The following STK32B variants were observed in gnomAD, a reference collection of about 807,000 sequenced individuals.
STK32B encodes serine/threonine kinase 32B.
Under a neutral mutation model 52.6 loss-of-function variants are expected in STK32B, and 43 were observed. The observed-to-expected ratio is 0.82, with a 90% CI of 0.64 to 1.05. The LOEUF (loss-of-function observed/expected upper bound fraction) is 1.05. Among genes scored for constraint, STK32B ranks in the 50% least tolerant of loss-of-function variants. The pLI is 0.00. For synonymous variants in STK32B, 238 were observed against 204.3 expected, an observed-to-expected ratio of 1.17 and a Z score of -1.41; for missense variants, 621 against 534.6, an observed-to-expected ratio of 1.16 and a Z score of -1.59.
chr4:5,330,281 G>A (rs10021605), intron 3 of STK32B, among the ~76,000 whole-genome samples: 47,982 of 152,050 alleles, frequency 0.32, 11,946 homozygotes, highest in African/African-American at 0.68. Flanking sequence ...TACCCTGTAA[G>A]TCTACAATGA....
intron 1 of STK32B, among the ~76,000 whole-genome samples, chr4:5,052,131 G>C (rs1577610784): frequency 1.3e-5 from 2 of 152,206 alleles, no homozygotes; most frequent in East Asian, 3.9e-4. Context: ...TAGTCGGGAC[G>C]GTGCCTAGCG....
At chr4:5,477,568 A>G (rs769731424) in intron 11 of STK32B, among the ~76,000 whole-genome samples, 1 of 152,154 alleles carries the variant, frequency 6.6e-6, no homozygotes, top group African/African-American at 2.4e-5. Flanking sequence ...ACTTAACAAC[A>G]ACCAAGTGTG....
chr4:5,485,452 G>T (rs946029274), intron 11 of STK32B, among the ~76,000 whole-genome samples: 44 of 152,014 alleles, frequency 2.9e-4, no homozygotes, highest in African/African-American at 1.0e-3. Context: ...GTCCTTTAAG[G>T]ACTTCTCTGT....
At chr4:5,214,292 A>G (rs1723066812) in intron 3 of STK32B, 1 of 152,456 alleles carries the variant, frequency 6.6e-6, no homozygotes. Context: ...GCCTTCCGCC[A>G]TGATTGTAAG....
intron 4 of STK32B, among the ~76,000 whole-genome samples, chr4:5,344,011 G>A (rs1347284627): frequency 6.6e-6 from 1 of 152,170 alleles, no homozygotes; most frequent in Admixed American, 6.5e-5. Flanking sequence ...AATGAACAAT[G>A]AAGGCTGTTC....
intron 3 of STK32B, among the ~76,000 whole-genome samples, chr4:5,172,981 T>A (rs528217955): frequency 6.6e-6 from 1 of 152,336 alleles, no homozygotes; most frequent in South Asian, 2.1e-4. Flanking sequence ...TTGCCTCAAT[T>A]TCAGATCCTG....
intron 4 of STK32B, among the ~76,000 whole-genome samples, chr4:5,371,050 GTGTGTGTA>G: frequency 1.4e-5 from 2 of 147,576 alleles, no homozygotes; most frequent in South Asian, 2.2e-4. Context: ...ATATGTGTGT[GTGTGTGTA>G]TATATTCTAA....
intron 7 of STK32B, among the ~76,000 whole-genome samples, chr4:5,451,123 CAGG>C (rs1215779814): frequency 3.9e-5 from 6 of 152,162 alleles, no homozygotes; most frequent in Non-Finnish European, 8.8e-5. Flanking sequence ...GTCTGGCACA[CAGG>C]AGATGTGCGG....
At chr4:5,441,595 C>G (rs1393762738) in intron 6 of STK32B, among the ~76,000 whole-genome samples, 3 of 151,764 alleles carry the variant, frequency 2.0e-5, no homozygotes, top group African/African-American at 4.8e-5. Context: ...TTTTGTGTCT[C>G]TATTTCCTTC....
intron 3 of STK32B, among the ~76,000 whole-genome samples, chr4:5,305,803 A>C (rs1729891998): frequency 6.6e-6 from 1 of 151,916 alleles, no homozygotes; most frequent in African/African-American, 2.4e-5. Flanking sequence ...TAGATTGTCT[A>C]CTGGTGCTCT....
intron 1 of STK32B, among the ~76,000 whole-genome samples, chr4:5,122,624 CTCAT>C (rs1293507518): frequency 6.6e-6 from 1 of 152,246 alleles, no homozygotes; most frequent in South Asian, 2.1e-4. Context: ...CATTCCCTGA[CTCAT>C]TCACTCACTC....
At position 5,209,877 on chromosome 4, in the gene STK32B, C is replaced by A. The variant is rs150077865; in HGVS notation, c.260+41427C>A. 4.5e-3 allele frequency among the ~76,000 whole-genome samples: 691 copies of A among 152,254 alleles called. 6 individuals are homozygous for A. The highest frequency in any genetic ancestry group is 0.024 in the Middle Eastern group (7 of 294). On this transcript the variant is annotated intron_variant, in intron 3 of 11. Coordinates refer to ENST00000282908, the MANE Select transcript of STK32B (RefSeq NM_018401.3). ...AAAAACAGAATCAGGATATGGCCCC[C>A]CAACTGTCTACTTCCAAAGCCTAGA...
At chr4:5,076,993 C>G (rs1712118375) in intron 1 of STK32B, among the ~76,000 whole-genome samples, 1 of 152,156 alleles carries the variant, frequency 6.6e-6, no homozygotes, top group Admixed American at 6.6e-5. Flanking sequence ...TTCCTTGGTT[C>G]AGGCCTCATC....
chr4:5,166,542 G>C (rs141759806), intron 2 of STK32B, among the ~76,000 whole-genome samples: 3 of 149,940 alleles, frequency 2.0e-5, no homozygotes, highest in Admixed American at 1.3e-4. Context: ...GAATGACACA[G>C]AGACGTAGGG....
At chr4:5,109,626 T>C (rs369371738) in intron 1 of STK32B, among the ~76,000 whole-genome samples, 1 of 152,192 alleles carries the variant, frequency 6.6e-6, no homozygotes, top group African/African-American at 2.4e-5. Context: ...AGATGGAACA[T>C]AACTCAGGAT....
rs1319060016 is a variant in STK32B at position 5,399,536 on chromosome 4, C to T, written c.472+1292C>T. Among the ~76,000 whole-genome samples, 3 of 152,166 alleles carry T rather than the reference C, an allele frequency of 2.0e-5. No individual in the cohort carries two copies. Among genetic ancestry groups the T allele is most frequent in the Non-Finnish European group, 4.4e-5 (3 of 68,026 alleles). On this transcript the variant is annotated intron_variant, in intron 5 of 11. Transcript: ENST00000282908. This position sits in a 1 kb window ranked among gnomAD's most constrained non-coding sequence, Gnocchi z 5.4. ...GTGCTCCTGAATGGAAGGTCAGCAG[C>T]AGCCCCAAGATGCCTGGGGCATGGA...
chr4:5,139,293 T>C (rs1177025829), intron 1 of STK32B, among the ~76,000 whole-genome samples: 3 of 152,176 alleles, frequency 2.0e-5, no homozygotes. Context: ...TCTGTTGAGT[T>C]CATGGTGGCT....
chr4:5,106,866 C>T (rs75603168), intron 1 of STK32B, among the ~76,000 whole-genome samples: 2,059 of 152,202 alleles, frequency 0.014, 19 homozygotes, highest in Non-Finnish European at 0.019. Context: ...CTTAAATGTC[C>T]TGTTGAATCA....
intron 2 of STK32B, among the ~76,000 whole-genome samples, chr4:5,166,199 C>T (rs1315118488): frequency 6.6e-6 from 1 of 152,102 alleles, no homozygotes; most frequent in South Asian, 2.1e-4. Flanking sequence ...AAGCCAACAG[C>T]GTTATTGCCG....
Sources: allele counts gnomAD v4.1 joint callset (sites outside exome capture counted in the v4.1 genomes callset), GRCh38; gene constraint gnomAD v4.1.1; non-coding constraint Gnocchi (gnomAD v3.1); transcripts MANE v1.5; gene names NCBI Gene and HGNC (gene_info 2026-07-23, HGNC 2026-07-21).